Variants in NAALADL2 observed in about 807,000 individuals in gnomAD.
The protein encoded by NAALADL2 is inactive N-acetylated-alpha-linked acidic dipeptidase-like protein 2.
Under a neutral mutation model 87.2 loss-of-function variants are expected in NAALADL2, and 76 were observed. The ratio of observed to expected loss-of-function variants is 0.87; its 90% CI spans 0.72 to 1.05. The LOEUF (loss-of-function observed/expected upper bound fraction) is 1.05. NAALADL2 is among the 50% of genes least tolerant of loss of function. NAALADL2 has a pLI of 0.00. For synonymous variants in NAALADL2, 354 were observed against 331.0 expected, an observed-to-expected ratio of 1.07 and a Z score of -0.75; for missense variants, 1,089 against 945.8, an observed-to-expected ratio of 1.15 and a Z score of -1.99.
At chr3:174,609,322 C>T (rs192784032) in intron 2 of NAALADL2, among the ~76,000 whole-genome samples, 233 of 151,964 alleles carry the variant, frequency 1.5e-3, no homozygotes, top group African/African-American at 3.2e-3. Context: ...AGGGCAATTA[C>T]GCAGGAGAAG....
intron 9 of NAALADL2, among the ~76,000 whole-genome samples, chr3:175,510,635 A>G (rs1731028790): frequency 6.6e-6 from 1 of 152,210 alleles, no homozygotes; most frequent in African/African-American, 2.4e-5. Flanking sequence ...CAACAACTCC[A>G]TAAAGTAGGC....
intron 4 of NAALADL2, among the ~76,000 whole-genome samples, chr3:175,264,797 A>C (rs6805576): frequency 2.6e-5 from 4 of 151,316 alleles, no homozygotes; most frequent in South Asian, 4.1e-4. Flanking sequence ...GAAATTATAT[A>C]ATATTAGAAA....
chr3:175,407,549 C>G (rs368638931), intron 5 of NAALADL2, among the ~76,000 whole-genome samples: 1 of 152,088 alleles, frequency 6.6e-6, no homozygotes, highest in Admixed American at 6.6e-5. Context: ...TTCTATAATG[C>G]AATGTGATTT....
At chr3:175,285,635 C>CT (rs1233707961) in intron 4 of NAALADL2, among the ~76,000 whole-genome samples, 2 of 152,032 alleles carry the variant, frequency 1.3e-5, no homozygotes, top group African/African-American at 2.4e-5. Flanking sequence ...TCAAGTTTTT[C>CT]TTTTATTTTT....
intron 3 of NAALADL2, among the ~76,000 whole-genome samples, chr3:174,792,881 T>C (rs1370824270): frequency 1.3e-5 from 2 of 152,170 alleles, no homozygotes; most frequent in African/African-American, 2.4e-5. Flanking sequence ...GTCCCCTCTG[T>C]CTAGAATGTA....
At chr3:175,383,262 C>T (rs904100213) in intron 5 of NAALADL2, among the ~76,000 whole-genome samples, 2 of 151,924 alleles carry the variant, frequency 1.3e-5, no homozygotes, top group Non-Finnish European at 2.9e-5. Context: ...TATTGTGCTA[C>T]CAAACATTAG....
chr3:175,183,952 G>A (rs757474640), intron 2 of NAALADL2, among the ~76,000 whole-genome samples: 6 of 151,010 alleles, frequency 4.0e-5, no homozygotes, highest in Admixed American at 3.3e-4. Context: ...GTCACTGTGC[G>A]GCCACCCTCA....
At chr3:175,688,233 C>T (rs572170837) in intron 11 of NAALADL2, among the ~76,000 whole-genome samples, 3 of 151,994 alleles carry the variant, frequency 2.0e-5, no homozygotes, top group Non-Finnish European at 2.9e-5. Flanking sequence ...TGCTGGTGCT[C>T]GTGACCCAAA....
At position 175,202,694 on chromosome 3, in the gene NAALADL2, C is replaced by T. The variant is rs1317700709; in HGVS notation, c.546-31237C>T. On this transcript the variant is annotated intron_variant, in intron 2 of 13. Coordinates refer to ENST00000454872, the MANE Select transcript of NAALADL2 (RefSeq NM_207015.3). ...TCCCTAGAACTCCCAAGAGTATATG[C>T]CCTTTGCCTTCAGCTACCAGGTTGG... 6.6e-5 allele frequency among the ~76,000 whole-genome samples: 10 copies of T among 152,134 alleles called. No homozygotes were observed. The East Asian group carries it at 1.6e-3, about 24-fold the overall frequency.
At chr3:174,970,294 T>C in intron 1 of NAALADL2, among the ~76,000 whole-genome samples, 1 of 152,128 alleles carries the variant, frequency 6.6e-6, no homozygotes, top group East Asian at 1.9e-4. Flanking sequence ...CATGTGAAAA[T>C]AAAATCTATG....
At chr3:175,010,661 T>C (rs1469004418) in intron 1 of NAALADL2, among the ~76,000 whole-genome samples, 1 of 152,170 alleles carries the variant, frequency 6.6e-6, no homozygotes, top group Non-Finnish European at 1.5e-5. Flanking sequence ...GAAAGAGAAA[T>C]GTGAAATAGT....
chr3:175,648,295 T>TAAC (rs1008278882), intron 11 of NAALADL2, among the ~76,000 whole-genome samples: 7 of 152,156 alleles, frequency 4.6e-5, no homozygotes, highest in African/African-American at 1.7e-4. Flanking sequence ...AGTGCAGACA[T>TAAC]AACAGGGTCT....
chr3:175,156,566 C>T (rs1732362461), intron 2 of NAALADL2, among the ~76,000 whole-genome samples: 1 of 144,834 alleles, frequency 6.9e-6, no homozygotes. Context: ...CTAATGTATC[C>T]TATATTTTTG....
chr3:174,842,631 A>G (rs1420736212), intron 3 of NAALADL2, among the ~76,000 whole-genome samples: 5 of 152,190 alleles, frequency 3.3e-5, no homozygotes, highest in African/African-American at 9.6e-5. Flanking sequence ...AGAATTTGGG[A>G]TAGTGTTATT....
chr3:174,776,743 T>A (rs572846271), intron 3 of NAALADL2, among the ~76,000 whole-genome samples: 1 of 152,282 alleles, frequency 6.6e-6, no homozygotes, highest in East Asian at 1.9e-4. Context: ...TCTTATATAC[T>A]TTTTACGAAT....
At chr3:175,795,533 A>AG (rs67817225) in intron 13 of NAALADL2, among the ~76,000 whole-genome samples, 1 of 146,952 alleles carries the variant, frequency 6.8e-6, no homozygotes, top group Non-Finnish European at 1.5e-5. Context: ...AAAAAAAAAA[A>AG]TTAGCTGGGC....
intron 2 of NAALADL2, among the ~76,000 whole-genome samples, chr3:174,650,995 G>A (rs1724296603): frequency 6.6e-6 from 1 of 151,946 alleles, no homozygotes; most frequent in African/African-American, 2.4e-5. Context: ...AACTGTCCAG[G>A]TTCTTTAATA....
At chr3:174,548,458 G>A (rs545212724) in intron 1 of NAALADL2, among the ~76,000 whole-genome samples, 3 of 152,106 alleles carry the variant, frequency 2.0e-5, no homozygotes, top group East Asian at 3.9e-4. Flanking sequence ...CAATTTAAAT[G>A]TTCTCACTAA....
chr3:174,659,947 G>T (rs1400278951), intron 2 of NAALADL2, among the ~76,000 whole-genome samples: 1 of 151,962 alleles, frequency 6.6e-6, no homozygotes, highest in African/African-American at 2.4e-5. Context: ...GTTTCCTTTT[G>T]GGACCCCGCT....
Sources: gnomAD v4.1 joint callset for allele counts (sites outside exome capture counted in the v4.1 genomes callset) on GRCh38, gnomAD v4.1.1 for gene constraint, MANE v1.5 for transcripts, NCBI Gene and HGNC (gene_info 2026-07-23, HGNC 2026-07-21) for gene names.